B9D1: variants seen among roughly 807,000 people sequenced by gnomAD.
B9D1 encodes B9 domain-containing protein 1.
Under a neutral mutation model 26.1 loss-of-function variants are expected in B9D1, and 20 were observed. That is an observed-to-expected ratio of 0.77 (90% CI 0.54 to 1.12). The LOEUF (loss-of-function observed/expected upper bound fraction) is 1.12. Among genes scored for constraint, B9D1 ranks in the 50% most tolerant of loss-of-function variants. The probability of loss-of-function intolerance (pLI) is 0.00; values close to 1 mark genes in which losing one functional copy is unlikely to be tolerated. For synonymous variants in B9D1, 105 were observed against 103.1 expected (o/e 1.02, Z -0.11); for missense variants, 260 against 273.7 (o/e 0.95, Z 0.35).
At position 19,359,981 on chromosome 17, in the gene B9D1, G is replaced by A. The variant is rs958994954; in HGVS notation, c.132+339C>T. ...CTCCAGGTCCTCCCCACTGGCTGAG[G>A]AGAGGCCAAATGGTGAGCGGACTGG... On this transcript the variant is annotated intron_variant, in intron 2 of 6. Transcript: ENST00000261499. The surrounding 1 kb of genome is among the most constrained non-coding windows in gnomAD (Gnocchi z 5.0). Among the ~76,000 whole-genome samples, 1 of 152,214 alleles carries A rather than the reference G, an allele frequency of 6.6e-6. No individual in the cohort carries two copies. Among genetic ancestry groups the A allele is most frequent in the Non-Finnish European group, 1.5e-5 (1 of 68,040 alleles).
intron 3 of B9D1, among the ~76,000 whole-genome samples, chr17:19,352,114 G>A (rs1263576964): frequency 6.6e-6 from 1 of 151,936 alleles, no homozygotes; most frequent in South Asian, 2.1e-4. Context: ...TTGAACTCCT[G>A]GGCTCAAGCG....
chr17:19,335,355 T>C (rs1026358693), downstream of B9D1: 1 of 1,530,772 alleles, frequency 6.5e-7, no homozygotes, highest in East Asian at 2.5e-5. Context: ...ATCTAATGTA[T>C]GAATGTGACT....
At chr17:19,340,298 G>C (rs747119937), downstream of B9D1, among the ~76,000 whole-genome samples, 169 of 151,998 alleles carry the variant, frequency 1.1e-3, no homozygotes, top group Non-Finnish European at 2.1e-3. Context: ...AGCCTCCCGA[G>C]TAGCTGGGAT....
At chr17:19,362,281 T>C (rs1911194090) in intron 1 of B9D1, among the ~76,000 whole-genome samples, 1 of 152,140 alleles carries the variant, frequency 6.6e-6, no homozygotes, top group Admixed American at 6.5e-5. Context: ...GTGACCTCGG[T>C]ACTAGCTCAA....
exon 1 of B9D1, chr17:19,377,908 G>C (rs1351277119): frequency 7.1e-6 from 7 of 985,264 alleles, no homozygotes; most frequent in Non-Finnish European, 8.4e-6. Context: ...CGGAAGCTGC[G>C]GAGAGGCTCA....
At chr17:19,341,023 G>T, downstream of B9D1, 1 of 726,544 alleles carries the variant, frequency 1.4e-6, no homozygotes, top group Non-Finnish European at 1.8e-6. Flanking sequence ...ACAGGAAATT[G>T]GTAATGGTAA....
downstream of B9D1, among the ~76,000 whole-genome samples, chr17:19,342,418 A>G (rs576378034): frequency 1.4e-4 from 21 of 152,280 alleles, no homozygotes; most frequent in Admixed American, 1.2e-3. Flanking sequence ...GGGGTTTGCC[A>G]GGAGCCTGTG....
intron 3 of B9D1, among the ~76,000 whole-genome samples, chr17:19,349,766 G>T (rs939390285): frequency 2.0e-5 from 3 of 152,098 alleles, no homozygotes; most frequent in African/African-American, 7.2e-5. Context: ...GTCTTTGAAT[G>T]AACATAAGCC....
downstream of B9D1, among the ~76,000 whole-genome samples, chr17:19,337,920 T>G (rs1200992117): frequency 2.9e-4 from 42 of 143,968 alleles, no homozygotes; most frequent in African/African-American, 5.4e-4. Flanking sequence ...GGGTGGGAGG[T>G]GGGGAAATGG....
Position 19,343,310 on chromosome 17 carries a change from G to C in B9D1, c.*9C>G. The stretch of plus-strand genomic sequence containing the variant: ...TTCATTATCAGAGACTGTGCAGCCT[G>C]TGGAGCCTTCACTGGGGGAAGCTCT... On this transcript the variant is annotated 3_prime_UTR_variant, in exon 7 of 7. Transcript: ENST00000261499. 6.2e-7 allele frequency: 1 copy of C among 1,614,148 alleles called. No homozygotes were observed. Among genetic ancestry groups the C allele is most frequent in the Non-Finnish European group, 8.5e-7 (1 of 1,180,018 alleles).
downstream of B9D1, among the ~76,000 whole-genome samples, chr17:19,340,043 C>T (rs990317139): frequency 1.1e-4 from 16 of 149,344 alleles, 2 homozygotes; most frequent in East Asian, 6.7e-4. Flanking sequence ...ACCCCCCCCC[C>T]CCCCCGGCTT....
chr17:19,343,978 A>C, intron 5 of B9D1, 121 bp from the exon 6 acceptor site: 1 of 1,445,370 alleles, frequency 6.9e-7, no homozygotes, highest in South Asian at 1.3e-5. Context: ...ACCGCACCCC[A>C]CCCCCACCAG....
intron 1 of B9D1, among the ~76,000 whole-genome samples, chr17:19,374,193 G>T (rs1284415944): frequency 2.0e-5 from 3 of 152,200 alleles, no homozygotes; most frequent in Non-Finnish European, 4.4e-5. Context: ...AAAGCACAAT[G>T]ATAAGTAGCA....
At chr17:19,348,008 A>G (rs1909088293) in intron 3 of B9D1, 128 bp from the exon 4 acceptor site, 1 of 788,234 alleles carries the variant, frequency 1.3e-6, no homozygotes. Flanking sequence ...GGCAGGCTTG[A>G]GAGGGGACAG....
rs1283035446 is a variant in B9D1 at position 19,347,128 on chromosome 17, G to C, written c.404+141C>G. On this transcript the variant is annotated intron_variant, in intron 5 of 6. Coordinates refer to ENST00000261499, the MANE Select transcript of B9D1 (RefSeq NM_015681.6). This position sits in a 1 kb window ranked among gnomAD's most constrained non-coding sequence, Gnocchi z 4.3. ...GAGCCCCGTGACTCAGCACTCCCAG[G>C]GGACCTGTTTCTATTTGTCCTCAGT... 1 of 1,594,182 alleles carries C rather than the reference G, an allele frequency of 6.3e-7. No homozygotes were observed. The highest frequency in any genetic ancestry group is 1.8e-5 in the Admixed American group (1 of 55,668).
intron 3 of B9D1, among the ~76,000 whole-genome samples, chr17:19,349,094 T>C (rs1909245377): frequency 6.6e-6 from 1 of 152,210 alleles, no homozygotes; most frequent in Non-Finnish European, 1.5e-5. Context: ...GCTGCCAGCA[T>C]GGTCCTATCA....
At chr17:19,358,610 T>A (rs754355266) in intron 2 of B9D1, among the ~76,000 whole-genome samples, 1 of 152,222 alleles carries the variant, frequency 6.6e-6, no homozygotes, top group African/African-American at 2.4e-5. Context: ...TGCTTACTCC[T>A]TGATACACTG....
At chr17:19,356,678 C>T (rs1292067206) in intron 3 of B9D1, among the ~76,000 whole-genome samples, 1 of 152,140 alleles carries the variant, frequency 6.6e-6, no homozygotes, top group Admixed American at 6.5e-5. Context: ...CTCTCAATCA[C>T]CTCTATTGAA....
chr17:19,344,966 C>T (rs1439407363), intron 5 of B9D1, among the ~76,000 whole-genome samples: 1 of 152,254 alleles, frequency 6.6e-6, no homozygotes, highest in African/African-American at 2.4e-5. Context: ...ACTCTCACAG[C>T]ACCCACCTCA....
Sources: gnomAD v4.1 joint callset for allele counts (sites outside exome capture counted in the v4.1 genomes callset) on GRCh38, gnomAD v4.1.1 for gene constraint, Gnocchi (gnomAD v3.1) non-coding constraint, MANE v1.5 for transcripts, NCBI Gene and HGNC (gene_info 2026-07-23, HGNC 2026-07-21) for gene names.